Variants in TRIB2 observed in about 807,000 individuals in gnomAD.
TRIB2 encodes tribbles pseudokinase 2, also known as tribbles homolog 2.
Under a neutral mutation model 26.8 loss-of-function variants are expected in TRIB2, and 2 were observed. The ratio of observed to expected loss-of-function variants is 0.07; its 90% CI spans 0.03 to 0.24. TRIB2 has a LOEUF of 0.24. Among genes scored for constraint, TRIB2 ranks in the 10% least tolerant of loss-of-function variants. TRIB2 has a pLI of 1.00. For synonymous variants in TRIB2, 189 were observed against 187.3 expected (o/e 1.01, Z -0.08); for missense variants, 306 against 449.0 (o/e 0.68, Z 2.88).
chr2:12,718,361 G>C lies in TRIB2; in HGVS notation c.54G>C (p.Arg18=). ...PITIARYGRS[R]NKTQDFEELS... is the part of the protein sequence containing the mutation. Reference sequence around the variant, plus strand: ...CAATAGCGAGATATGGGAGATCGCGGAACAAAACCCAGGATTTCGAAGAGT... The same window carrying C: ...CAATAGCGAGATATGGGAGATCGCGCAACAAAACCCAGGATTTCGAAGAGT... Residue 18 remains arginine, a synonymous_variant, in exon 1 of 3, where the codon CGG becomes CGC. Coordinates refer to ENST00000155926, the MANE Select transcript of TRIB2 (RefSeq NM_021643.4). The surrounding 1 kb of genome is among the most constrained non-coding windows in gnomAD (Gnocchi z 4.0). 5 of 1,614,204 alleles carry C rather than the reference G, an allele frequency of 3.1e-6. No homozygotes were observed. The highest frequency in any genetic ancestry group is 4.2e-6 in the Non-Finnish European group (5 of 1,180,036).
chr2:12,722,858 T>A (rs1471224319), intron 1 of TRIB2, among the ~76,000 whole-genome samples: 1 of 152,122 alleles, frequency 6.6e-6, no homozygotes, highest in African/African-American at 2.4e-5. Context: ...GCAAATAAAG[T>A]GTTGTTGATG....
rs1666647427 is a variant in TRIB2 at position 12,718,364 on chromosome 2, C to A, written c.57C>A (p.Asn19Lys). 6.2e-7 allele frequency: 1 copy of A among 1,614,094 alleles called. No individual in the cohort carries two copies. ...ITIARYGRSR[N>K]KTQDFEELSS... The stretch of plus-strand genomic sequence containing the variant: ...TAGCGAGATATGGGAGATCGCGGAA[C>A]AAAACCCAGGATTTCGAAGAGTTGT... Residue 19 changes from asparagine to lysine, a missense_variant, in exon 1 of 3, where the codon AAC (asparagine) becomes AAA (lysine). Physicochemically the swap from Asn to Lys is moderately conservative, Grantham distance 94. This residue lies in a region of TRIB2 where 99 missense variants were observed against 106.5 expected (regional missense o/e 0.93). Coordinates refer to ENST00000155926, the MANE Select transcript of TRIB2 (RefSeq NM_021643.4). The surrounding 1 kb of genome is among the most constrained non-coding windows in gnomAD (Gnocchi z 4.0).
At position 12,723,139 on chromosome 2, in the gene TRIB2, T is replaced by G. The variant is rs536999153; in HGVS notation, c.271-121T>G. ...GGAGGCAGGGCCAATGTGGTCTGGGTCCAAGTTCAGCATATTTTCTGTCAT... is the reference window on the plus strand; with the variant it reads ...GGAGGCAGGGCCAATGTGGTCTGGGGCCAAGTTCAGCATATTTTCTGTCAT... On this transcript the variant is annotated intron_variant, in intron 1 of 2. Coordinates refer to ENST00000155926, the MANE Select transcript of TRIB2 (RefSeq NM_021643.4). 2.6e-6 allele frequency: 3 copies of G among 1,153,354 alleles called. No individual in the cohort carries two copies. The Admixed American group carries it at 7.5e-5, about 29-fold the overall frequency. The allele number at this position is 1,153,354 out of a possible 1,614,324, so 71.4% of individuals were successfully genotyped here.
Position 12,717,723 on chromosome 2 carries a change from G to GC in TRIB2, c.-579dup. 1 of 346,260 alleles carries GC rather than the reference G, an allele frequency of 2.9e-6. No individual in the cohort carries two copies. Among genetic ancestry groups the GC allele is most frequent in the East Asian group, 4.1e-5 (1 of 24,686 alleles). 21.4% of individuals were successfully genotyped at this position (346,260 alleles called of 1,614,324 possible). On this transcript the variant is annotated 5_prime_UTR_variant, in exon 1 of 3. Coordinates refer to ENST00000155926, the MANE Select transcript of TRIB2 (RefSeq NM_021643.4). This position sits in a 1 kb window ranked among gnomAD's most constrained non-coding sequence, Gnocchi z 4.8. ...CCTCTCCCGCACCCCCCCCTTACAC[G>GC]CCCCCCACCCTTTCCACCAAAAAAA...
In TRIB2 at chr2:12,718,548, C is replaced by G. The variant is rs142544661; in HGVS notation, c.241C>G (p.Leu81Val). The G allele has an allele frequency of 1.5e-5, 24 of 1,614,034 alleles. No individual in the cohort carries two copies. The Admixed American group carries it at 3.7e-4, about 25-fold the overall frequency. The change falls in exon 1 of 3, where the codon CTG (leucine) becomes GTG (valine). Residue 81 changes from leucine (L) to valine (V), a missense_variant. Physicochemically the swap from Leu to Val is conservative, Grantham distance 32. Transcript: ENST00000155926. The surrounding 1 kb of genome is among the most constrained non-coding windows in gnomAD (Gnocchi z 4.0). ...AGACCACGTTTTTCGTGCCGTGCATCTGCACAGCGGAGAGGAGCTGGTGTG... is the reference window on the plus strand; with the variant it reads ...AGACCACGTTTTTCGTGCCGTGCATGTGCACAGCGGAGAGGAGCTGGTGTG... The part of the protein sequence containing the change: ...EGDHVFRAVH[L>V]HSGEELVCKV...
rs1014739151 is a variant in TRIB2, at chr2:12,741,591, C to T, written c.*797C>T. ...GGGAAGAAGAAAGGAAAAGAGAAAT[C>T]CAACTCCTTTTTCATGTTTTGCTTT... On this transcript the variant is annotated 3_prime_UTR_variant, in exon 3 of 3. Transcript: ENST00000155926. The T allele has an allele frequency of 1.3e-5, 2 of 152,200 alleles. No individual in the cohort carries two copies. Among genetic ancestry groups the T allele is most frequent in the African/African-American group, 2.4e-5 (1 of 41,440 alleles). 9.4% of individuals were successfully genotyped at this position (152,200 alleles called of 1,614,324 possible).
rs755624221 is a variant in TRIB2, at chr2:12,724,680, A to G, written c.563+1128A>G. 12 of 1,612,400 alleles carry G rather than the reference A, an allele frequency of 7.4e-6. No individual in the cohort carries two copies. In the South Asian group the frequency reaches 9.9e-5, roughly 13 times the overall value. On this transcript the variant is annotated intron_variant, in intron 2 of 2. Coordinates refer to ENST00000155926, the MANE Select transcript of TRIB2 (RefSeq NM_021643.4). ...TGTTTCCCCTGGTTTTGCCTTCGAT[A>G]CCCTCTGTGATCTTGGATTGGTCCT...
intron 2 of TRIB2, chr2:12,724,576 C>T (rs1253975432): frequency 2.6e-6 from 4 of 1,566,094 alleles, no homozygotes; most frequent in Admixed American, 1.9e-5. Context: ...GAAGGGGCAG[C>T]TGTTGGAAGA....
At chr2:12,730,604 T>G (rs1335852325) in intron 2 of TRIB2, among the ~76,000 whole-genome samples, 1 of 152,302 alleles carries the variant, frequency 6.6e-6, no homozygotes, top group South Asian at 2.1e-4. Context: ...GGGTTTTTTT[T>G]GTTTTGTTTT....
At chr2:12,719,803 A>C (rs1372617936) in intron 1 of TRIB2, among the ~76,000 whole-genome samples, 2 of 152,100 alleles carry the variant, frequency 1.3e-5, no homozygotes, top group Non-Finnish European at 2.9e-5. Context: ...TTCAGCCCTT[A>C]GGGGGAAATC....
chr2:12,733,923 G>A lies in TRIB2; in HGVS notation c.564-6403G>A, dbSNP rs573646878. ...GGGGCTTTCAGTGCCGACCTGTGCT[G>A]TTCCACAGATGCTGGGAGAGGAACC... is the stretch of plus-strand genomic sequence containing the variant. On this transcript the variant is annotated intron_variant, in intron 2 of 2. Transcript: ENST00000155926. 3.8e-4 allele frequency among the ~76,000 whole-genome samples: 58 copies of A among 152,286 alleles called. 1 individual carries two copies. Among genetic ancestry groups the A allele is most frequent in the Middle Eastern group, 3.4e-3 (1 of 294 alleles).
At chr2:12,728,297 G>A (rs1247631487) in intron 2 of TRIB2, among the ~76,000 whole-genome samples, 1 of 152,242 alleles carries the variant, frequency 6.6e-6, no homozygotes, top group Non-Finnish European at 1.5e-5. Flanking sequence ...GCCATCAGCA[G>A]ACGGGAGCTC....
At chr2:12,724,258 T>C (rs775547894) in intron 2 of TRIB2, among the ~76,000 whole-genome samples, 4 of 152,212 alleles carry the variant, frequency 2.6e-5, no homozygotes, top group Non-Finnish European at 5.9e-5. Flanking sequence ...TGCATGGCAG[T>C]GCAGAGGTCT....
chr2:12,730,731 A>G lies in TRIB2; in HGVS notation c.563+7179A>G, dbSNP rs116499032. ...GTGTGACCATTGATGCCATGGATAT[A>G]CAAATAGCCCCTTATGTCCCGTGGC... On this transcript the variant is annotated intron_variant, in intron 2 of 2. Coordinates refer to ENST00000155926, the MANE Select transcript of TRIB2 (RefSeq NM_021643.4). Among the ~76,000 whole-genome samples the G allele has an allele frequency of 7.5e-3, 1,138 of 152,342 alleles. 6 individuals are homozygous for G. The highest frequency in any genetic ancestry group is 0.026 in the African/African-American group (1,095 of 41,572).
intron 2 of TRIB2, among the ~76,000 whole-genome samples, chr2:12,736,727 T>C (rs1661584319): frequency 6.6e-6 from 1 of 152,246 alleles, no homozygotes; most frequent in Non-Finnish European, 1.5e-5. Flanking sequence ...AGTGTTGTTC[T>C]CTGCGTACAA....
Position 12,732,039 on chromosome 2 carries a change from G to A in TRIB2, c.564-8287G>A, listed in dbSNP as rs529457057. On this transcript the variant is annotated intron_variant, in intron 2 of 2. Transcript: ENST00000155926. This position sits in a 1 kb window ranked among gnomAD's most constrained non-coding sequence, Gnocchi z 4.2. Reference sequence around the variant, plus strand: ...TTGATGAGGAATTCCTGTCAGCATGGCTTCCTCTTTCTTGGGTTTCCCTTT... The same window carrying A: ...TTGATGAGGAATTCCTGTCAGCATGACTTCCTCTTTCTTGGGTTTCCCTTT... Among the ~76,000 whole-genome samples, 3 of 152,308 alleles carry A rather than the reference G, an allele frequency of 2.0e-5. No homozygotes were observed. In the South Asian group the frequency reaches 6.2e-4, roughly 32 times the overall value.
At position 12,732,655 on chromosome 2, in the gene TRIB2, A is replaced by C. The variant is rs969809206; in HGVS notation, c.564-7671A>C. On this transcript the variant is annotated intron_variant, in intron 2 of 2. Transcript: ENST00000155926. This position sits in a 1 kb window ranked among gnomAD's most constrained non-coding sequence, Gnocchi z 4.2. ...CATGAACCAGAATTAAGTGAACGAC[A>C]ATTTATTTGGCATCGTTTAGTGGCC... Among the ~76,000 whole-genome samples the C allele has an allele frequency of 1.3e-5, 2 of 152,194 alleles. No individual in the cohort carries two copies. The highest frequency in any genetic ancestry group is 4.8e-5 in the African/African-American group (2 of 41,454).
chr2:12,724,892 C>T, intron 2 of TRIB2: 4 of 1,525,834 alleles, frequency 2.6e-6, no homozygotes, highest in Non-Finnish European at 3.5e-6. Flanking sequence ...TCTCTCTACC[C>T]TTGTATGTTC....
At position 12,718,147 on chromosome 2, in the gene TRIB2, T is replaced by C; in HGVS notation, c.-161T>C. ...AGACGAGGTATCCGGCGGCGCCCAT[T>C]TGGGGGCTTCTAACTCTTTCTCCAC... On this transcript the variant is annotated 5_prime_UTR_variant, in exon 1 of 3. Transcript: ENST00000155926. The surrounding 1 kb of genome is among the most constrained non-coding windows in gnomAD (Gnocchi z 4.0). 4 of 1,030,598 alleles carry C rather than the reference T, an allele frequency of 3.9e-6. No homozygotes were observed. Among genetic ancestry groups the C allele is most frequent in the South Asian group, 1.8e-5 (1 of 55,748 alleles). 63.8% of individuals were successfully genotyped at this position (1,030,598 alleles called of 1,614,324 possible). A position where few individuals can be genotyped will look rare whatever the true frequency, so the allele number is the denominator to read the frequency against.
Sources: allele counts gnomAD v4.1 joint callset (sites outside exome capture counted in the v4.1 genomes callset), GRCh38; gene constraint gnomAD v4.1.1; regional missense constraint gnomAD v4.1.1; non-coding constraint Gnocchi (gnomAD v3.1); transcripts MANE v1.5; gene names NCBI Gene and HGNC (gene_info 2026-07-23, HGNC 2026-07-21).